Variants in ATL1 observed in about 807,000 individuals in gnomAD.
The protein encoded by ATL1 is atlastin-1.
In ATL1, 31 loss-of-function variants were observed where a neutral mutation model predicts 75.5. The observed-to-expected ratio is 0.41, with a 90% CI of 0.31 to 0.55. The LOEUF is 0.55. ATL1 is among the 20% of genes least tolerant of loss of function. The pLI, the probability that ATL1 is intolerant of heterozygous loss-of-function variation, is 0.27. For missense variants in ATL1, 405 were observed against 662.6 expected (o/e 0.61, Z 4.27); for synonymous variants, 226 against 233.3 (o/e 0.97, Z 0.28).
chr14:50,607,011 AG>A (rs1342846469), intron 6 of ATL1, among the ~76,000 whole-genome samples: 1 of 152,110 alleles, frequency 6.6e-6, no homozygotes, highest in Non-Finnish European at 1.5e-5. Flanking sequence ...CCCTATATAA[AG>A]ACCTATATGG....
At chr14:50,628,710 ATAC>A (rs915063635) in intron 12 of ATL1, 1 of 619,286 alleles carries the variant, frequency 1.6e-6, no homozygotes, top group Non-Finnish European at 3.0e-6. Flanking sequence ...AGTAGTATAT[ATAC>A]TTTTTTTTCT....
chr14:50,594,100 C>T (rs549830779), intron 5 of ATL1, among the ~76,000 whole-genome samples: 15 of 152,200 alleles, frequency 9.9e-5, no homozygotes, highest in Non-Finnish European at 1.9e-4. Flanking sequence ...CACAGTTCAG[C>T]ATGGCTGGAA....
chr14:50,585,619 A>G (rs1369148695), intron 1 of ATL1, among the ~76,000 whole-genome samples: 1 of 152,210 alleles, frequency 6.6e-6, no homozygotes, highest in African/African-American at 2.4e-5. Context: ...CAGATTCTTC[A>G]ATCTTTATTT....
Position 50,591,751 on chromosome 14 carries a change from A to G in ATL1, c.522+112A>G, listed in dbSNP as rs1262408767. 5 of 788,228 alleles carry G rather than the reference A, an allele frequency of 6.3e-6. No individual in the cohort carries two copies. The Admixed American group carries it at 1.0e-4, about 16-fold the overall frequency. 48.8% of individuals were successfully genotyped at this position (788,228 alleles called of 1,614,324 possible). On this transcript the variant is annotated intron_variant, in intron 4 of 13. Transcript: ENST00000358385. ...ACAACAGAAATTGGGAATCATATATATTGTTTGACTCAATTAGCATACGAG... is the reference window on the plus strand; with the variant it reads ...ACAACAGAAATTGGGAATCATATATGTTGTTTGACTCAATTAGCATACGAG...
chr14:50,574,286 G>A (rs2038980926), intron 1 of ATL1, among the ~76,000 whole-genome samples: 1 of 152,120 alleles, frequency 6.6e-6, no homozygotes, highest in Non-Finnish European at 1.5e-5. Flanking sequence ...TATTCTTTCT[G>A]TTAGAAGGCA....
chr14:50,598,210 A>C (rs1268907996), intron 6 of ATL1, among the ~76,000 whole-genome samples: 3 of 152,226 alleles, frequency 2.0e-5, no homozygotes, highest in Non-Finnish European at 4.4e-5. Flanking sequence ...GGTATGATTT[A>C]ATGTTGTGGA....
chr14:50,610,900 T>C (rs567784589), intron 6 of ATL1, among the ~76,000 whole-genome samples: 1 of 152,200 alleles, frequency 6.6e-6, no homozygotes, highest in South Asian at 2.1e-4. Flanking sequence ...AACTCCTCTC[T>C]CCAATTCCCT....
intron 11 of ATL1, among the ~76,000 whole-genome samples, chr14:50,624,522 C>A (rs1397799418): frequency 6.6e-6 from 1 of 151,974 alleles, no homozygotes; most frequent in Non-Finnish European, 1.5e-5. Flanking sequence ...TTCCCCCATC[C>A]CTCCCTCTCT....
intron 8 of ATL1, among the ~76,000 whole-genome samples, chr14:50,615,042 T>C (rs1165986840): frequency 6.6e-6 from 1 of 152,164 alleles, no homozygotes. Flanking sequence ...AGTGTATACT[T>C]ATAGGATGTA....
intron 1 of ATL1, among the ~76,000 whole-genome samples, chr14:50,569,050 T>C (rs1054936387): frequency 6.6e-6 from 1 of 152,150 alleles, no homozygotes; most frequent in African/African-American, 2.4e-5. Flanking sequence ...ACTGTTTTTT[T>C]AAAATGCACT....
At chr14:50,629,148 G>A (rs1277531193) in intron 12 of ATL1, among the ~76,000 whole-genome samples, 1 of 152,098 alleles carries the variant, frequency 6.6e-6, no homozygotes, top group Non-Finnish European at 1.5e-5. Context: ...AGCTTTGTTA[G>A]GAGCTATCTG....
chr14:50,611,351 CA>C (rs1396984942), intron 6 of ATL1, among the ~76,000 whole-genome samples: 1 of 152,002 alleles, frequency 6.6e-6, no homozygotes, highest in Non-Finnish European at 1.5e-5. Context: ...GATATGGGAA[CA>C]CATAGAAATA....
intron 11 of ATL1, among the ~76,000 whole-genome samples, chr14:50,626,098 G>A (rs2039518204): frequency 6.6e-6 from 1 of 152,186 alleles, no homozygotes; most frequent in Admixed American, 6.5e-5. Flanking sequence ...TCATCAAAGA[G>A]CGCTGATGGA....
chr14:50,536,002 G>A (rs368999582), intron 1 of ATL1, among the ~76,000 whole-genome samples: 3 of 152,208 alleles, frequency 2.0e-5, no homozygotes, highest in Non-Finnish European at 2.9e-5. Context: ...TGCTGCCATC[G>A]TGTGAGACAT....
At position 50,538,574 on chromosome 14, in the gene ATL1, A is replaced by G. The variant is rs570502241; in HGVS notation, c.-140+5207A>G. Among the ~76,000 whole-genome samples the G allele has an allele frequency of 1.1e-4, 16 of 152,352 alleles. No homozygotes were observed. The South Asian group carries it at 3.3e-3, about 32-fold the overall frequency. On this transcript the variant is annotated intron_variant, in intron 1 of 13. Coordinates refer to the ATL1 transcript ENST00000441560. ...TTGGTTTCCTCACGCAATAACAGGT[A>G]TGTTCAAAAGGGTGCCCAAAGTTTG...
At chr14:50,556,605 C>A (rs1479054711), upstream of ATL1, among the ~76,000 whole-genome samples, 1 of 152,098 alleles carries the variant, frequency 6.6e-6, no homozygotes, top group Non-Finnish European at 1.5e-5. Flanking sequence ...CCAAAAGAAA[C>A]CTCATACTCA....
chr14:50,625,277 A>G (rs1203657248), intron 11 of ATL1, among the ~76,000 whole-genome samples: 2 of 152,196 alleles, frequency 1.3e-5, no homozygotes, highest in Non-Finnish European at 2.9e-5. Flanking sequence ...GTAAAGATGC[A>G]GAAGAAAAGT....
rs2039070159 is a variant in ATL1 at position 50,582,909 on chromosome 14, A to C, written c.35-4922A>C. On this transcript the variant is annotated intron_variant, in intron 1 of 13. Coordinates refer to ENST00000358385, the MANE Select transcript of ATL1 (RefSeq NM_015915.5). ...ACTATTAGGTTTATATAAAAAGTGC[A>C]AATATATATTATTTGCTACACTGAT... 2.6e-5 allele frequency among the ~76,000 whole-genome samples: 4 copies of C among 152,334 alleles called. No individual in the cohort carries two copies. The South Asian group carries it at 8.3e-4, about 32-fold the overall frequency.
chr14:50,595,679 A>G, intron 6 of ATL1, 47 bp downstream of exon 6: 1 of 1,547,598 alleles, frequency 6.5e-7, no homozygotes, highest in Non-Finnish European at 8.9e-7. Flanking sequence ...ATTTTCCTGA[A>G]GACTGTAACC....
Sources: allele counts gnomAD v4.1 joint callset (sites outside exome capture counted in the v4.1 genomes callset), GRCh38; gene constraint gnomAD v4.1.1; transcripts MANE v1.5; gene names NCBI Gene and HGNC (gene_info 2026-07-23, HGNC 2026-07-21).